Variants in SLC16A12 observed in about 807,000 individuals in gnomAD.
The protein encoded by SLC16A12 is monocarboxylate transporter 12.
In SLC16A12, 17 loss-of-function variants were observed where a neutral mutation model predicts 42.4. That is an observed-to-expected ratio of 0.40 (90% CI 0.27 to 0.60). The LOEUF is 0.60. SLC16A12 is among the 20% of genes least tolerant of loss of function. SLC16A12 has a pLI of 0.42. For synonymous variants in SLC16A12, 224 were observed against 229.4 expected, an observed-to-expected ratio of 0.98 and a Z score of 0.21; for missense variants, 544 against 623.0, an observed-to-expected ratio of 0.87 and a Z score of 1.35.
chr10:89,550,383 G>T (rs1843763229), intron 2 of SLC16A12, among the ~76,000 whole-genome samples: 1 of 152,154 alleles, frequency 6.6e-6, no homozygotes, highest in Non-Finnish European at 1.5e-5. Flanking sequence ...GACGGGTGTG[G>T]TGGCAGGTGC....
intron 2 of SLC16A12, among the ~76,000 whole-genome samples, chr10:89,545,066 C>A (rs1843735272): frequency 6.6e-6 from 1 of 152,114 alleles, no homozygotes; most frequent in Admixed American, 6.5e-5. Context: ...GCTATGAGAA[C>A]AAGCCTCAAA....
chr10:89,530,196 G>A (rs545589447), intron 2 of SLC16A12, among the ~76,000 whole-genome samples: 1 of 152,220 alleles, frequency 6.6e-6, no homozygotes, highest in African/African-American at 2.4e-5. Context: ...CCTTATTGGA[G>A]CTTGTGAAAA....
chr10:89,452,781 C>T (rs117376141), intron 3 of SLC16A12, among the ~76,000 whole-genome samples: 2,530 of 152,278 alleles, frequency 0.017, 32 homozygotes, highest in Non-Finnish European at 0.03. Context: ...GCAGAGAGGT[C>T]GAACTGCAAT....
intron 6 of SLC16A12, among the ~76,000 whole-genome samples, chr10:89,437,361 T>G (rs1841818210): frequency 6.6e-6 from 1 of 152,182 alleles, no homozygotes; most frequent in African/African-American, 2.4e-5. Context: ...TTACAAACAT[T>G]TTTCTACTCA....
chr10:89,432,555 C>T lies in SLC16A12; in HGVS notation c.*509G>A, dbSNP rs548098959. Reference sequence around the variant, plus strand: ...TATTCTTTAACAATCCCAAGTAAAACCCTAATGAGAAACTCCACCATGAAA... The same window carrying T: ...TATTCTTTAACAATCCCAAGTAAAATCCTAATGAGAAACTCCACCATGAAA... On this transcript the variant is annotated 3_prime_UTR_variant, in exon 8 of 8. Coordinates refer to ENST00000371790, the MANE Select transcript of SLC16A12 (RefSeq NM_213606.4). 1 of 153,128 alleles carries T rather than the reference C, an allele frequency of 6.5e-6. No individual in the cohort carries two copies. The highest frequency in any genetic ancestry group is 2.4e-5 in the African/African-American group (1 of 41,400). The allele number at this position is 153,128 out of a possible 1,614,324, so 9.5% of individuals were successfully genotyped here. A position where few individuals can be genotyped will look rare whatever the true frequency, so the allele number is the denominator to read the frequency against.
At chr10:89,534,311 T>C (rs550359073) in intron 2 of SLC16A12, among the ~76,000 whole-genome samples, 190 bp downstream of exon 2, 1 of 152,244 alleles carries the variant, frequency 6.6e-6, no homozygotes, top group African/African-American at 2.4e-5. Context: ...GCTGATGATT[T>C]TAACTGTTAG....
intron 2 of SLC16A12, among the ~76,000 whole-genome samples, chr10:89,500,758 T>A (rs894491555): frequency 1.3e-5 from 2 of 152,072 alleles, no homozygotes; most frequent in African/African-American, 4.8e-5. Context: ...CTCTCACCAC[T>A]CCTCTTCAAC....
chr10:89,503,543 C>T (rs936339723), intron 2 of SLC16A12, among the ~76,000 whole-genome samples: 7 of 152,184 alleles, frequency 4.6e-5, no homozygotes, highest in African/African-American at 9.6e-5. Context: ...AGAAAGAAGG[C>T]GAAGTCCAGT....
chr10:89,548,447 G>T (rs185880386), intron 2 of SLC16A12, among the ~76,000 whole-genome samples: 7 of 152,248 alleles, frequency 4.6e-5, no homozygotes, highest in African/African-American at 1.4e-4. Context: ...AAAAGAGGTT[G>T]GATGAAGCCA....
chr10:89,505,459 C>T lies in SLC16A12; in HGVS notation c.-47+29042G>A, dbSNP rs577820576. ...AAACAAAAAAAAACAAGAATTCCAG[C>T]AAGATGGCTGAATAGGAACAGCTCT... On this transcript the variant is annotated intron_variant, in intron 2 of 7. Transcript: ENST00000371790. 1.1e-3 allele frequency among the ~76,000 whole-genome samples: 164 copies of T among 152,132 alleles called. 3 individuals are homozygous for T. The highest frequency in any genetic ancestry group is 2.8e-3 in the African/African-American group (115 of 41,516).
At chr10:89,489,171 T>C (rs1458019061) in intron 2 of SLC16A12, among the ~76,000 whole-genome samples, 1 of 152,170 alleles carries the variant, frequency 6.6e-6, no homozygotes, top group Non-Finnish European at 1.5e-5. Context: ...TAATGCTATT[T>C]TGACCCCAAC....
intron 2 of SLC16A12, among the ~76,000 whole-genome samples, chr10:89,555,505 GTA>G (rs1274696904): frequency 2.9e-5 from 4 of 138,244 alleles, no homozygotes; most frequent in Non-Finnish European, 4.7e-5. Context: ...ACGTATATAC[GTA>G]TATATATGTA....
At chr10:89,548,296 G>T (rs1012375277) in intron 2 of SLC16A12, among the ~76,000 whole-genome samples, 1 of 152,100 alleles carries the variant, frequency 6.6e-6, no homozygotes, top group Non-Finnish European at 1.5e-5. Flanking sequence ...AGAAAGAAAA[G>T]GTAGCAGCAT....
intron 2 of SLC16A12, among the ~76,000 whole-genome samples, chr10:89,523,506 C>G (rs1843395636): frequency 6.6e-6 from 1 of 152,200 alleles, no homozygotes; most frequent in Non-Finnish European, 1.5e-5. Context: ...TCTGTCATGA[C>G]TAAAACTTGT....
chr10:89,539,432 C>T (rs943041053), upstream of SLC16A12, among the ~76,000 whole-genome samples: 3 of 152,108 alleles, frequency 2.0e-5, no homozygotes, highest in Non-Finnish European at 2.9e-5. Flanking sequence ...ATAAATAACA[C>T]GTGTGTTAAC....
At chr10:89,505,312 G>A (rs1211164264) in intron 2 of SLC16A12, among the ~76,000 whole-genome samples, 1 of 152,118 alleles carries the variant, frequency 6.6e-6, no homozygotes, top group East Asian at 1.9e-4. Context: ...CTACTCGGGA[G>A]GCTGAGGCAG....
At chr10:89,535,809 G>A (rs549149516), upstream of SLC16A12, among the ~76,000 whole-genome samples, 165 of 152,206 alleles carry the variant, frequency 1.1e-3, 1 homozygote, top group African/African-American at 3.8e-3. Flanking sequence ...CGCTTCGGTG[G>A]GGCGGGGAGC....
chr10:89,451,182 G>C (rs1842091238), intron 3 of SLC16A12, among the ~76,000 whole-genome samples: 1 of 152,128 alleles, frequency 6.6e-6, no homozygotes, highest in Admixed American at 6.6e-5. Context: ...CCAATTAATT[G>C]TGCTTTAACA....
At chr10:89,537,290 G>C (rs916316576), upstream of SLC16A12, among the ~76,000 whole-genome samples, 2 of 151,750 alleles carry the variant, frequency 1.3e-5, no homozygotes, top group Admixed American at 1.3e-4. Flanking sequence ...GGATCCTCCT[G>C]CCTCAGCCTC....
Sources: gnomAD v4.1 joint callset for allele counts (sites outside exome capture counted in the v4.1 genomes callset) on GRCh38, gnomAD v4.1.1 for gene constraint, MANE v1.5 for transcripts, NCBI Gene and HGNC (gene_info 2026-07-23, HGNC 2026-07-21) for gene names.